PRRX1: variants seen among roughly 807,000 people sequenced by gnomAD.
The protein encoded by PRRX1 is paired mesoderm homeobox protein 1.
PRRX1 carries 8 observed loss-of-function variants against 24.0 expected under a neutral mutation model. The ratio of observed to expected loss-of-function variants is 0.33; its 90% CI spans 0.20 to 0.60. The LOEUF (loss-of-function observed/expected upper bound fraction) is 0.60. PRRX1 is among the 20% of genes least tolerant of loss of function. The pLI, the probability that PRRX1 is intolerant of heterozygous loss-of-function variation, is 0.82. For synonymous variants in PRRX1, 160 were observed against 131.7 expected, an observed-to-expected ratio of 1.22 and a Z score of -1.47; for missense variants, 281 against 322.4, an observed-to-expected ratio of 0.87 and a Z score of 0.98.
rs990710725 is a variant in PRRX1 at position 170,735,843 on chromosome 1, C to T, written c.600-205C>T. On this transcript the variant is annotated intron_variant, in intron 3 of 3. Transcript: ENST00000239461. ...CTTTCCTCACTCTACACCACTTTCT[C>T]CTGCTCTTCAAAACATGACCACTCT... Among the ~76,000 whole-genome samples, 7 of 152,312 alleles carry T rather than the reference C, an allele frequency of 4.6e-5. No individual in the cohort carries two copies. The South Asian group carries it at 8.3e-4, about 18-fold the overall frequency.
chr1:170,663,964 A>G (rs1571306446), upstream of PRRX1: 2 of 502,284 alleles, frequency 4.0e-6, no homozygotes, highest in East Asian at 3.1e-5. Flanking sequence ...ACTTGGCCTC[A>G]GGAAATCAAC....
intron 1 of PRRX1, among the ~76,000 whole-genome samples, chr1:170,710,071 C>T (rs978130094): frequency 1.3e-5 from 2 of 152,210 alleles, no homozygotes; most frequent in Non-Finnish European, 2.9e-5. Flanking sequence ...TGGAGTTTAT[C>T]CCTGCAGAGT....
intron 3 of PRRX1, chr1:170,726,867 G>A (rs1158175948): frequency 6.7e-6 from 1 of 148,324 alleles, no homozygotes; most frequent in Non-Finnish European, 1.4e-5. Flanking sequence ...AAAGGAAGAA[G>A]GAAGGAAGGA....
intron 1 of PRRX1, among the ~76,000 whole-genome samples, chr1:170,697,425 TATA>T (rs1391357093): frequency 6.6e-6 from 1 of 152,100 alleles, no homozygotes; most frequent in African/African-American, 2.4e-5. Flanking sequence ...TCTATTTTCT[TATA>T]ATAATACATG....
Position 170,736,106 on chromosome 1 carries a change from A to G in PRRX1, c.658A>G (p.Met220Val). The G allele has an allele frequency of 1.2e-6, 2 of 1,614,116 alleles. No homozygotes were observed. Among genetic ancestry groups the G allele is most frequent in the Non-Finnish European group, 1.7e-6 (2 of 1,179,976 alleles). ...CAATAGCCCTGCACAGGGCATCAAC[A>G]TGGCCAACAGCATTGCCAACCTGAG... The part of the protein sequence containing the change: ...ANNSPAQGIN[M>V]ANSIANLRLK... The change falls in exon 4 of 4, where the codon ATG (methionine) becomes GTG (valine). Residue 220 changes from methionine to valine, a missense_variant. Physicochemically the swap from Met to Val is conservative, Grantham distance 21 (BLOSUM62 1). Coordinates refer to ENST00000239461, the MANE Select transcript of PRRX1 (RefSeq NM_022716.4).
At chr1:170,725,092 G>T (rs1655212244) in intron 2 of PRRX1, among the ~76,000 whole-genome samples, 1 of 152,000 alleles carries the variant, frequency 6.6e-6, no homozygotes. Context: ...TTCTGTTGTA[G>T]GTGTATAGGA....
chr1:170,691,441 ATTTCC>A (rs60341193), intron 1 of PRRX1, among the ~76,000 whole-genome samples: 12,294 of 71,508 alleles, frequency 0.17, 1,241 homozygotes, highest in African/African-American at 0.2. Context: ...CTTTCCTTCC[ATTTCC>A]TTTCCTTTCC....
rs931929789 is a variant in PRRX1, at chr1:170,719,846, C to G, written c.362C>G (p.Ala121Gly). ...TTTGAGCGGACACACTATCCTGATG[C>G]TTTTGTGCGAGAAGACCTTGCCCGC... ...RVFERTHYPD[A>G]FVREDLARRV... Residue 121 changes from alanine (A) to glycine (G), a missense_variant, in exon 2 of 4, where the codon GCT (alanine) becomes GGT (glycine). Coordinates refer to ENST00000239461, the MANE Select transcript of PRRX1 (RefSeq NM_022716.4). 1.2e-6 allele frequency: 2 copies of G among 1,614,080 alleles called. No individual in the cohort carries two copies. The highest frequency in any genetic ancestry group is 1.7e-6 in the Non-Finnish European group (2 of 1,180,050).
intron 1 of PRRX1, among the ~76,000 whole-genome samples, chr1:170,695,774 T>C (rs1654146139): frequency 6.6e-6 from 1 of 152,168 alleles, no homozygotes; most frequent in Non-Finnish European, 1.5e-5. Flanking sequence ...AACGTGCATC[T>C]TTTCCTTCAA....
intron 1 of PRRX1, among the ~76,000 whole-genome samples, chr1:170,695,227 C>G (rs1654129157): frequency 6.6e-6 from 1 of 152,262 alleles, no homozygotes; most frequent in East Asian, 1.9e-4. Context: ...AATGAGGAAA[C>G]TGAAGTGATT....
At chr1:170,732,193 T>C (rs11587746) in intron 3 of PRRX1, among the ~76,000 whole-genome samples, 7,811 of 152,298 alleles carry the variant, frequency 0.051, 268 homozygotes, top group Middle Eastern at 0.13. Flanking sequence ...ATTTTACATG[T>C]TCCGAATGGC....
At chr1:170,665,507 A>G (rs1243705244) in intron 1 of PRRX1, among the ~76,000 whole-genome samples, 1 of 152,200 alleles carries the variant, frequency 6.6e-6, no homozygotes, top group Admixed American at 6.5e-5. Flanking sequence ...TAAGTTCTCA[A>G]ATGAGGCTGG....
Position 170,691,714 on chromosome 1 carries a change from C to T in PRRX1, c.241+27255C>T, listed in dbSNP as rs550702829. On this transcript the variant is annotated intron_variant, in intron 1 of 3. Coordinates refer to ENST00000239461, the MANE Select transcript of PRRX1 (RefSeq NM_022716.4). ...CTCTTTTCACCTTTTCTCCCCTCCT[C>T]TCCTTCCCGCTTTCTCTTCTACTCT... Among the ~76,000 whole-genome samples the T allele has an allele frequency of 9.9e-5, 15 of 151,934 alleles. No homozygotes were observed. The South Asian group carries it at 3.1e-3, about 32-fold the overall frequency.
At chr1:170,681,160 A>G (rs1653490418) in intron 1 of PRRX1, among the ~76,000 whole-genome samples, 1 of 152,200 alleles carries the variant, frequency 6.6e-6, no homozygotes, top group Non-Finnish European at 1.5e-5. Flanking sequence ...TATACTAATT[A>G]TGTTGTTTAA....
chr1:170,736,145 G>A lies in PRRX1; in HGVS notation c.697G>A (p.Glu233Lys), dbSNP rs755246526. The change falls in exon 4 of 4, where the codon GAA becomes AAA. Residue 233 changes from glutamate (E) to lysine (K), a missense_variant. Transcript: ENST00000239461. Reference protein sequence around the residue: ...SIANLRLKAKEYSLQRNQVPT... With the variant: ...SIANLRLKAKKYSLQRNQVPT... ...TGCCAACCTGAGACTGAAGGCCAAG[G>A]AATATAGTTTACAGAGGAACCAGGT... 2 of 1,614,142 alleles carry A rather than the reference G, an allele frequency of 1.2e-6. No individual in the cohort carries two copies. The highest frequency in any genetic ancestry group is 8.5e-7 in the Non-Finnish European group (1 of 1,180,006).
chr1:170,691,415 A>G (rs2101898187), intron 1 of PRRX1, among the ~76,000 whole-genome samples: 1 of 151,026 alleles, frequency 6.6e-6, no homozygotes, highest in East Asian at 2.0e-4. Context: ...GAAGAAATTT[A>G]TTCCCTTTTC....
intron 1 of PRRX1, among the ~76,000 whole-genome samples, chr1:170,688,454 A>C (rs571381336): frequency 6.6e-5 from 10 of 152,088 alleles, no homozygotes; most frequent in Non-Finnish European, 5.9e-5. Flanking sequence ...ATGTTTCAAC[A>C]GTTTCTAACT....
intron 1 of PRRX1, among the ~76,000 whole-genome samples, chr1:170,703,444 A>ATTGT (rs1338339226): frequency 2.0e-5 from 3 of 152,200 alleles, no homozygotes; most frequent in African/African-American, 7.2e-5. Flanking sequence ...GTACTTAATA[A>ATTGT]TTGTTTGTTA....
At chr1:170,687,218 G>A (rs1381270157) in intron 1 of PRRX1, among the ~76,000 whole-genome samples, 1 of 152,050 alleles carries the variant, frequency 6.6e-6, no homozygotes, top group African/African-American at 2.4e-5. Context: ...CCCCATTTGT[G>A]AAGGCTGGTT....
Sources: allele counts gnomAD v4.1 joint callset (sites outside exome capture counted in the v4.1 genomes callset), GRCh38; gene constraint gnomAD v4.1.1; transcripts MANE v1.5; gene names NCBI Gene and HGNC (gene_info 2026-07-23, HGNC 2026-07-21).